SHISA6: variants seen among roughly 807,000 people sequenced by gnomAD.
SHISA6 encodes the protein protein shisa-6.
In SHISA6, 22 loss-of-function variants were observed where a neutral mutation model predicts 47.9. The ratio of observed to expected loss-of-function variants is 0.46; its 90% CI spans 0.33 to 0.66. SHISA6 has a LOEUF of 0.66. SHISA6 is among the 30% of genes least tolerant of loss of function. SHISA6 has a pLI of 0.02. For synonymous variants in SHISA6, 388 were observed against 337.8 expected, an observed-to-expected ratio of 1.15 and a Z score of -1.63; for missense variants, 680 against 764.6, an observed-to-expected ratio of 0.89 and a Z score of 1.30.
intron 1 of SHISA6, among the ~76,000 whole-genome samples, chr17:11,260,431 C>T (rs1276085684): frequency 6.6e-6 from 1 of 152,082 alleles, no homozygotes; most frequent in Non-Finnish European, 1.5e-5. Context: ...TGACAGGGCC[C>T]TGCTGACAGC....
intron 2 of SHISA6, among the ~76,000 whole-genome samples, chr17:11,302,080 A>G (rs1191516455): frequency 6.6e-6 from 1 of 152,206 alleles, no homozygotes; most frequent in East Asian, 1.9e-4. Context: ...TAGCACAGGA[A>G]AGACCGGCCC....
intron 2 of SHISA6, among the ~76,000 whole-genome samples, chr17:11,279,579 A>G (rs1909050078): frequency 6.6e-6 from 1 of 152,084 alleles, no homozygotes; most frequent in Non-Finnish European, 1.5e-5. Context: ...CTGTAAGGTC[A>G]GTAATATTAT....
chr17:11,492,486 T>C (rs1474472542), intron 3 of SHISA6, among the ~76,000 whole-genome samples: 1 of 152,190 alleles, frequency 6.6e-6, no homozygotes, highest in African/African-American at 2.4e-5. Context: ...TGTAAATCAT[T>C]TAATTTCTCT....
Position 11,328,088 on chromosome 17 carries a change from A to G in SHISA6, c.800-51326A>G, listed in dbSNP as rs527910330. ...GCAATTACTAGTTGTGGAACCCAGC[A>G]TGATCTTTTAACCCTCAATTTCTTC... On this transcript the variant is annotated intron_variant, in intron 2 of 5. Coordinates refer to ENST00000441885, the MANE Select transcript of SHISA6 (RefSeq NM_207386.4). Among the ~76,000 whole-genome samples, 11 of 152,354 alleles carry G rather than the reference A, an allele frequency of 7.2e-5. No homozygotes were observed. The South Asian group carries it at 2.1e-3, about 29-fold the overall frequency.
chr17:11,407,689 C>T (rs1033282415), intron 3 of SHISA6, among the ~76,000 whole-genome samples: 8 of 152,008 alleles, frequency 5.3e-5, no homozygotes, highest in Non-Finnish European at 8.8e-5. Context: ...ATGAGGAGTT[C>T]GGTTGATGGT....
At chr17:11,400,890 A>G (rs1913749153) in intron 3 of SHISA6, among the ~76,000 whole-genome samples, 1 of 152,192 alleles carries the variant, frequency 6.6e-6, no homozygotes, top group African/African-American at 2.4e-5. Context: ...TTATGGTTCT[A>G]TACAAGTCTT....
intron 3 of SHISA6, among the ~76,000 whole-genome samples, chr17:11,523,369 CA>C (rs1451431113): frequency 4.7e-4 from 72 of 152,244 alleles, no homozygotes; most frequent in African/African-American, 1.5e-3. Context: ...GACAAAACAC[CA>C]AAAAGTGTAG....
At chr17:11,374,963 G>C (rs1172687593) in intron 2 of SHISA6, among the ~76,000 whole-genome samples, 3 of 152,100 alleles carry the variant, frequency 2.0e-5, no homozygotes, top group Non-Finnish European at 4.4e-5. Flanking sequence ...AGATAAGAGT[G>C]TCCCTCCACC....
At chr17:11,346,947 T>G (rs1911718674) in intron 2 of SHISA6, among the ~76,000 whole-genome samples, 2 of 152,256 alleles carry the variant, frequency 1.3e-5, no homozygotes, top group South Asian at 4.1e-4. Context: ...TGAATTGTTC[T>G]TTGAAGGACA....
intron 2 of SHISA6, among the ~76,000 whole-genome samples, chr17:11,346,765 A>T (rs1284074523): frequency 6.6e-6 from 1 of 152,206 alleles, no homozygotes; most frequent in South Asian, 2.1e-4. Flanking sequence ...GATATCTTGA[A>T]TAGAAATGTT....
chr17:11,317,582 C>G (rs1286576640), intron 2 of SHISA6, among the ~76,000 whole-genome samples: 2 of 152,046 alleles, frequency 1.3e-5, no homozygotes, highest in Middle Eastern at 3.4e-3. Context: ...TTGCATTTCA[C>G]AACCGCAGTT....
At chr17:11,311,154 C>T (rs1424184382) in intron 2 of SHISA6, among the ~76,000 whole-genome samples, 5 of 145,364 alleles carry the variant, frequency 3.4e-5, no homozygotes, top group Admixed American at 1.4e-4. Context: ...TGGTGGCAGG[C>T]GCCTGTAGTT....
At chr17:11,286,454 G>A (rs1044796210) in intron 2 of SHISA6, among the ~76,000 whole-genome samples, 2 of 152,020 alleles carry the variant, frequency 1.3e-5, no homozygotes, top group African/African-American at 2.4e-5. Flanking sequence ...TACATCTACC[G>A]CCTTCATTCT....
intron 2 of SHISA6, among the ~76,000 whole-genome samples, chr17:11,307,143 C>CTTTTTTTTTTCTTTTTTTTTTTTTTT (rs56109461): frequency 6.9e-6 from 1 of 145,232 alleles, no homozygotes; most frequent in East Asian, 2.0e-4. Flanking sequence ...TGTTTGTTTT[C>CTTTTTTTTTTCTTTTTTTTTTTTTTT]TTTTTTTTTC....
Position 11,379,462 on chromosome 17 carries a change from A to G in SHISA6, c.848A>G (p.Asn283Ser). 1 of 1,543,380 alleles carries G rather than the reference A, an allele frequency of 6.5e-7. No homozygotes were observed. The change falls in exon 3 of 6, where the codon AAC becomes AGC. Residue 283 changes from asparagine (N) to serine (S), a missense_variant. Transcript: ENST00000441885. The part of the protein sequence containing the change: ...AYRSGGPDLH[N>S]FISSGFVTLG... ...CGAAGTGGAGGACCTGATCTCCATA[A>G]CTTCATCTCATCTGGATTTGTCACA...
intron 2 of SHISA6, among the ~76,000 whole-genome samples, chr17:11,297,949 C>T (rs1405178381): frequency 6.6e-6 from 1 of 152,086 alleles, no homozygotes; most frequent in Non-Finnish European, 1.5e-5. Flanking sequence ...CATCTGATGC[C>T]TTCTGTTTTC....
At chr17:11,485,647 C>T (rs911037375) in intron 3 of SHISA6, among the ~76,000 whole-genome samples, 2 of 150,840 alleles carry the variant, frequency 1.3e-5, no homozygotes, top group Non-Finnish European at 2.9e-5. Flanking sequence ...GTTACAATCA[C>T]GACCTACGAG....
chr17:11,245,910 T>G (rs1907564789), intron 1 of SHISA6, among the ~76,000 whole-genome samples: 1 of 152,154 alleles, frequency 6.6e-6, no homozygotes, highest in Non-Finnish European at 1.5e-5. Context: ...CTCCAGAAAT[T>G]AATTAGAAAC....
At chr17:11,385,380 A>T (rs1597487078) in intron 3 of SHISA6, among the ~76,000 whole-genome samples, 1 of 151,930 alleles carries the variant, frequency 6.6e-6, no homozygotes, top group Admixed American at 6.6e-5. Flanking sequence ...AGGTGCAGGG[A>T]ATTGACCCCA....
Sources: allele counts gnomAD v4.1 joint callset (sites outside exome capture counted in the v4.1 genomes callset), GRCh38; gene constraint gnomAD v4.1.1; transcripts MANE v1.5; gene names NCBI Gene and HGNC (gene_info 2026-07-23, HGNC 2026-07-21).